GPC5: variants seen among roughly 807,000 people sequenced by gnomAD.
The protein encoded by GPC5 is glypican 5, also known as glypican-5.
A neutral mutation model predicts 53.9 loss-of-function variants in GPC5; 47 were observed. That is an observed-to-expected ratio of 0.87 (90% confidence interval 0.69 to 1.11). GPC5 has a LOEUF of 1.11. GPC5 is among the 50% of genes most tolerant of loss of function. The pLI, the probability that GPC5 is intolerant of heterozygous loss-of-function variation, is 0.00. For missense variants in GPC5, 748 were observed against 713.1 expected (o/e 1.05, Z -0.56); for synonymous variants, 286 against 263.3 (o/e 1.09, Z -0.84).
At chr13:91,750,726 G>A (rs1021910496) in intron 4 of GPC5, among the ~76,000 whole-genome samples, 1 of 138,088 alleles carries the variant, frequency 7.2e-6, no homozygotes, top group Non-Finnish European at 1.5e-5. Context: ...TGCTGCCCAG[G>A]CTGGAGTGCA....
chr13:92,547,854 C>T (rs1453522017), intron 7 of GPC5, among the ~76,000 whole-genome samples: 19 of 104,564 alleles, frequency 1.8e-4, no homozygotes, highest in African/African-American at 6.7e-4. Flanking sequence ...CTTTTTGAGA[C>T]GGAATCTCGC....
intron 2 of GPC5, among the ~76,000 whole-genome samples, chr13:91,614,667 G>T (rs973810551): frequency 6.6e-6 from 1 of 152,098 alleles, no homozygotes; most frequent in African/African-American, 2.4e-5. Flanking sequence ...AATATTAAGG[G>T]TAATTGCTGA....
intron 6 of GPC5, among the ~76,000 whole-genome samples, chr13:92,093,637 T>C (rs571372053): frequency 6.6e-6 from 1 of 152,332 alleles, no homozygotes; most frequent in East Asian, 1.9e-4. Flanking sequence ...ATGTACTCTA[T>C]TGGAGGTAAT....
chr13:92,421,891 T>G (rs1483772525), intron 7 of GPC5, among the ~76,000 whole-genome samples: 3 of 151,830 alleles, frequency 2.0e-5, no homozygotes, highest in Non-Finnish European at 4.4e-5. Flanking sequence ...GTAAGAACTC[T>G]ATCACGATAA....
At chr13:92,336,447 A>T (rs2139241864) in intron 7 of GPC5, among the ~76,000 whole-genome samples, 1 of 152,280 alleles carries the variant, frequency 6.6e-6, no homozygotes, top group African/African-American at 2.4e-5. Flanking sequence ...TATGAACAAA[A>T]ACATATGAGA....
intron 7 of GPC5, among the ~76,000 whole-genome samples, chr13:92,411,959 T>C (rs971700098): frequency 3.3e-5 from 5 of 152,192 alleles, no homozygotes; most frequent in Non-Finnish European, 5.9e-5. Context: ...CAATTACTTT[T>C]GCACCAACCT....
At chr13:92,516,938 G>A (rs1021772779) in intron 7 of GPC5, among the ~76,000 whole-genome samples, 3 of 152,112 alleles carry the variant, frequency 2.0e-5, no homozygotes, top group African/African-American at 7.2e-5. Flanking sequence ...GCCAAGGGAA[G>A]GGGTGACAAA....
intron 7 of GPC5, among the ~76,000 whole-genome samples, chr13:92,769,991 A>AGGGGAAAT (rs1177065774): frequency 6.6e-6 from 1 of 152,198 alleles, no homozygotes; most frequent in African/African-American, 2.4e-5. Flanking sequence ...AAAATTCCCC[A>AGGGGAAAT]TCAGTTGATT....
At chr13:92,862,691 G>A (rs1468241490) in intron 7 of GPC5, among the ~76,000 whole-genome samples, 1 of 151,982 alleles carries the variant, frequency 6.6e-6, no homozygotes, top group African/African-American at 2.4e-5. Context: ...TAAGTGTGAA[G>A]GAAAAGGCTG....
rs554421888 is a variant in GPC5, at chr13:91,427,860, G to A, written c.164-20901G>A. Among the ~76,000 whole-genome samples the A allele has an allele frequency of 1.6e-4, 25 of 152,210 alleles. No individual in the cohort carries two copies. In the South Asian group the frequency reaches 1.7e-3, roughly 10 times the overall value. On this transcript the variant is annotated intron_variant, in intron 1 of 7. Transcript: ENST00000377067. Reference sequence around the variant, plus strand: ...GGGCTGTTTCCCCCATGCTGTTCTCGTGATAGTGAGTGAATTCTCACAAGA... The same window carrying A: ...GGGCTGTTTCCCCCATGCTGTTCTCATGATAGTGAGTGAATTCTCACAAGA...
At chr13:91,895,134 T>G (rs2039428204) in intron 5 of GPC5, among the ~76,000 whole-genome samples, 2 of 151,314 alleles carry the variant, frequency 1.3e-5, no homozygotes, top group South Asian at 4.2e-4. Flanking sequence ...AAGGCGAGCA[T>G]GGAAGCAGAG....
intron 7 of GPC5, among the ~76,000 whole-genome samples, chr13:92,381,871 T>TATG (rs2043744787): frequency 9.3e-6 from 1 of 107,042 alleles, no homozygotes; most frequent in African/African-American, 3.5e-5. Flanking sequence ...ATATATATCA[T>TATG]ATATATGATT....
chr13:91,841,980 A>T (rs1879575784), intron 5 of GPC5, among the ~76,000 whole-genome samples: 1 of 152,190 alleles, frequency 6.6e-6, no homozygotes, highest in Non-Finnish European at 1.5e-5. Flanking sequence ...ACTATTTTGA[A>T]GTAAGTTTGA....
chr13:91,702,477 G>A (rs944009639), intron 3 of GPC5, among the ~76,000 whole-genome samples: 7 of 151,876 alleles, frequency 4.6e-5, no homozygotes, highest in Non-Finnish European at 1.0e-4. Flanking sequence ...TTTATTTCTG[G>A]GATCTTAATT....
intron 6 of GPC5, among the ~76,000 whole-genome samples, chr13:91,929,444 C>T (rs1287103692): frequency 1.3e-5 from 2 of 151,998 alleles, no homozygotes; most frequent in Non-Finnish European, 2.9e-5. Context: ...TCCACTAATT[C>T]GTTGTTTTCT....
intron 6 of GPC5, among the ~76,000 whole-genome samples, chr13:91,974,410 CT>C: frequency 6.6e-6 from 1 of 152,096 alleles, no homozygotes; most frequent in South Asian, 2.1e-4. Context: ...TGATAAGCAA[CT>C]TCAGCAAAGT....
At chr13:92,612,506 T>C (rs1173769183) in intron 7 of GPC5, among the ~76,000 whole-genome samples, 1 of 152,116 alleles carries the variant, frequency 6.6e-6, no homozygotes, top group African/African-American at 2.4e-5. Flanking sequence ...AGAGGGCTAT[T>C]TCTGAGAAAA....
Position 91,405,738 on chromosome 13 carries a change from G to A in GPC5, c.163+6529G>A, listed in dbSNP as rs535112332. 4.6e-5 allele frequency among the ~76,000 whole-genome samples: 7 copies of A among 152,260 alleles called. No individual in the cohort carries two copies. In the South Asian group the frequency reaches 8.3e-4, roughly 18 times the overall value. ...GCAGGATCCTACACTCCAATGAACC[G>A]TGTGGTTGGTTTAATGTTCTCTTGT... On this transcript the variant is annotated intron_variant, in intron 1 of 7. Coordinates refer to ENST00000377067, the MANE Select transcript of GPC5 (RefSeq NM_004466.6).
chr13:91,755,335 C>T (rs2037266539), intron 4 of GPC5, among the ~76,000 whole-genome samples: 1 of 152,086 alleles, frequency 6.6e-6, no homozygotes, highest in African/African-American at 2.4e-5. Context: ...ACTGCATATT[C>T]CATGAATTTC....
Sources: gnomAD v4.1 joint callset for allele counts (sites outside exome capture counted in the v4.1 genomes callset) on GRCh38, gnomAD v4.1.1 for gene constraint, MANE v1.5 for transcripts, NCBI Gene and HGNC (gene_info 2026-07-23, HGNC 2026-07-21) for gene names.